ERCC6: variants seen among roughly 807,000 people sequenced by gnomAD.
ERCC6 encodes ERCC excision repair 6, chromatin remodeling factor.
ERCC6 carries 116 observed loss-of-function variants against 158.7 expected under a neutral mutation model. The ratio of observed to expected loss-of-function variants is 0.73; its 90% CI spans 0.63 to 0.85. The LOEUF (loss-of-function observed/expected upper bound fraction) is 0.85. Ranked by LOEUF, ERCC6 falls within the 40% of genes least tolerant of loss-of-function variation. The pLI, the probability that ERCC6 is intolerant of heterozygous loss-of-function variation, is 0.00. For synonymous variants in ERCC6, 678 were observed against 659.3 expected, an observed-to-expected ratio of 1.03 and a Z score of -0.43; for missense variants, 1,698 against 1,799.4, an observed-to-expected ratio of 0.94 and a Z score of 1.02.
At position 49,482,798 on chromosome 10, in the gene ERCC6, C is replaced by A; in HGVS notation, c.2058G>T (p.Trp686Cys). 1.9e-6 allele frequency: 3 copies of A among 1,613,980 alleles called. No homozygotes were observed. Among genetic ancestry groups the A allele is most frequent in the South Asian group, 2.2e-5 (2 of 91,056 alleles). ...CCGGGAAGATGAAGTCAAAGAGCGA[C>A]CACAGCTCTCGGAGGTTATTTTGCA... ...SPMQNNLREL[W>C]SLFDFIFPGK... is the part of the protein sequence containing the mutation. Residue 686 changes from tryptophan (W) to cysteine (C), a missense_variant, in exon 10 of 21, where the codon TGG becomes TGT. Trp to Cys is a radical substitution (Grantham distance 215, BLOSUM62 -2). Transcript: ENST00000355832.
chr10:49,498,595 T>C (rs1199345015), intron 7 of ERCC6, among the ~76,000 whole-genome samples: 1 of 152,154 alleles, frequency 6.6e-6, no homozygotes, highest in African/African-American at 2.4e-5. Context: ...ACCAATACCA[T>C]CTTAATAAAG....
the ERCC6 span, among the ~76,000 whole-genome samples, chr10:49,437,882 TTAAA>T: frequency 6.6e-6 from 1 of 152,184 alleles, no homozygotes; most frequent in African/African-American, 2.4e-5. Flanking sequence ...AAGTCAAAAT[TTAAA>T]TAACCATTTG....
rs574750716 is a variant in ERCC6 at position 49,533,571 on chromosome 10, C to T, written c.-14-593G>A. Among the ~76,000 whole-genome samples the T allele has an allele frequency of 1.8e-3, 267 of 152,018 alleles. 2 individuals carry two copies. The highest frequency in any genetic ancestry group is 5.9e-3 in the African/African-American group (245 of 41,458). On this transcript the variant is annotated intron_variant, in intron 1 of 20. Coordinates refer to ENST00000355832, the MANE Select transcript of ERCC6 (RefSeq NM_000124.4). ...GCCAAAGCGGGAGGATAGAGACCAG[C>T]CAGGGAAACACAGCGAGCTCAGGAC...
At chr10:49,510,834 T>C (rs1360797970) in intron 5 of ERCC6, among the ~76,000 whole-genome samples, 2 of 152,000 alleles carry the variant, frequency 1.3e-5, no homozygotes, top group Non-Finnish European at 2.9e-5. Flanking sequence ...CTTTCTGTTC[T>C]GTCTCATTTA....
In ERCC6 at chr10:49,512,897, T is replaced by C. The variant is rs985933292; in HGVS notation, c.1398-6885A>G. Among the ~76,000 whole-genome samples, 16 of 152,350 alleles carry C rather than the reference T, an allele frequency of 1.1e-4. No homozygotes were observed. In the East Asian group the frequency reaches 2.7e-3, roughly 26 times the overall value. ...GCTAAAAAATTTTCAGATTTTGGAT[T>C]TTCGGACTAGGGATGGTCAACCTGT... On this transcript the variant is annotated intron_variant, in intron 5 of 20. Transcript: ENST00000355832.
chr10:49,476,413 C>G (rs1312321901), intron 11 of ERCC6, 103 bp from the exon 12 acceptor site: 2 of 755,028 alleles, frequency 2.6e-6, no homozygotes, highest in South Asian at 3.2e-5. Context: ...ACAATGCATG[C>G]GATTTTAATG....
At chr10:49,491,651 C>T (rs1190207905) in intron 8 of ERCC6, among the ~76,000 whole-genome samples, 2 of 152,132 alleles carry the variant, frequency 1.3e-5, no homozygotes, top group African/African-American at 4.8e-5. Flanking sequence ...GTGGTTTACA[C>T]GAAGGCAGTT....
At chr10:49,518,122 A>G (rs1335392234) in intron 5 of ERCC6, among the ~76,000 whole-genome samples, 2 of 152,260 alleles carry the variant, frequency 1.3e-5, no homozygotes, top group Non-Finnish European at 2.9e-5. Context: ...ATCCCAGTGC[A>G]AACAGGTGCT....
chr10:49,527,901 G>A (rs936462276), intron 4 of ERCC6, among the ~76,000 whole-genome samples: 3 of 152,134 alleles, frequency 2.0e-5, no homozygotes, highest in Admixed American at 1.3e-4. Context: ...TTTAGTTCCA[G>A]AGCTTACGAA....
At chr10:49,459,553 T>C (rs1275019006) in intron 20 of ERCC6, among the ~76,000 whole-genome samples, 1 of 152,162 alleles carries the variant, frequency 6.6e-6, no homozygotes, top group Non-Finnish European at 1.5e-5. Flanking sequence ...GGAAAATCTG[T>C]CTCTAGGAGG....
the ERCC6 span, among the ~76,000 whole-genome samples, chr10:49,442,988 T>G: frequency 4.4e-4 from 67 of 152,200 alleles, 1 homozygote; most frequent in Non-Finnish European, 8.8e-5. Flanking sequence ...TGTCTGCAGA[T>G]AGAGTGATTT....
At chr10:49,443,096 C>T in the ERCC6 span, among the ~76,000 whole-genome samples, 91 of 152,180 alleles carry the variant, frequency 6.0e-4, no homozygotes, top group African/African-American at 2.1e-3. Flanking sequence ...TCTGCCTTTG[C>T]GTAAATGACG....
chr10:49,450,006 G>A (rs1850403945), downstream of ERCC6, among the ~76,000 whole-genome samples: 1 of 152,188 alleles, frequency 6.6e-6, no homozygotes, highest in South Asian at 2.1e-4. Context: ...CTGAGTAGCT[G>A]GGACTACAGA....
At chr10:49,439,906 C>G in the ERCC6 span, among the ~76,000 whole-genome samples, 1 of 152,190 alleles carries the variant, frequency 6.6e-6, no homozygotes, top group Admixed American at 6.5e-5. Flanking sequence ...GTTCCCAAAA[C>G]AAGTTTCTCA....
intron 16 of ERCC6, among the ~76,000 whole-genome samples, 169 bp from the exon 17 acceptor site, chr10:49,471,289 T>A (rs1850776303): frequency 6.6e-6 from 1 of 152,100 alleles, no homozygotes; most frequent in South Asian, 2.1e-4. Context: ...ATATAATACA[T>A]CAGTTAATCT....
chr10:49,488,644 T>A, intron 8 of ERCC6, among the ~76,000 whole-genome samples: 1 of 91,836 alleles, frequency 1.1e-5, no homozygotes, highest in South Asian at 4.4e-4. Flanking sequence ...GCCTCTTTCT[T>A]TTTTTTTTTT....
At chr10:49,472,346 C>A (rs1033413314) in intron 16 of ERCC6, 30 bp downstream of exon 16, 2 of 1,595,962 alleles carry the variant, frequency 1.3e-6, no homozygotes, top group Non-Finnish European at 1.7e-6. Context: ...TGGGAACGCA[C>A]AGCCAAGAGT....
upstream of ERCC6, chr10:49,539,376 CAATT>C (rs1476687867): frequency 6.6e-6 from 1 of 152,294 alleles, no homozygotes; most frequent in Non-Finnish European, 1.5e-5. Context: ...TAAATCCTCA[CAATT>C]AACCTTGAAC....
At chr10:49,483,015 T>C in intron 9 of ERCC6, 152 bp from the exon 10 acceptor site, 1 of 848,350 alleles carries the variant, frequency 1.2e-6, no homozygotes, top group Admixed American at 2.3e-5. Context: ...TTTTATGCAA[T>C]TACAAATCCT....
Sources: allele counts gnomAD v4.1 joint callset (sites outside exome capture counted in the v4.1 genomes callset), GRCh38; gene constraint gnomAD v4.1.1; transcripts MANE v1.5; gene names NCBI Gene and HGNC (gene_info 2026-07-23, HGNC 2026-07-21).